Variants in DLG2 observed in about 807,000 individuals in gnomAD.
DLG2 encodes the protein disks large homolog 2.
Under a neutral mutation model 132.5 loss-of-function variants are expected in DLG2, and 45 were observed. The ratio of observed to expected loss-of-function variants is 0.34; its 90% CI spans 0.27 to 0.44. DLG2 has a LOEUF of 0.44. Ranked by LOEUF, DLG2 falls within the 20% of genes least tolerant of loss-of-function variation. The pLI, the probability that DLG2 is intolerant of heterozygous loss-of-function variation, is 1.00. For synonymous variants in DLG2, 424 were observed against 419.6 expected, an observed-to-expected ratio of 1.01 and a Z score of -0.13; for missense variants, 1,045 against 1,196.9, an observed-to-expected ratio of 0.87 and a Z score of 1.87.
At chr11:85,019,430 A>C (rs1257645465) in intron 6 of DLG2, among the ~76,000 whole-genome samples, 1 of 152,084 alleles carries the variant, frequency 6.6e-6, no homozygotes, top group Non-Finnish European at 1.5e-5. Context: ...AGGTAAAGAA[A>C]TAATGGGATA....
intron 3 of DLG2, among the ~76,000 whole-genome samples, chr11:85,501,925 C>T (rs1483809863): frequency 6.6e-6 from 1 of 152,112 alleles, no homozygotes; most frequent in Non-Finnish European, 1.5e-5. Flanking sequence ...CAGGCATATA[C>T]CCAAAGGATT....
chr11:85,528,254 T>C (rs2074937779), intron 3 of DLG2, among the ~76,000 whole-genome samples: 2 of 152,216 alleles, frequency 1.3e-5, no homozygotes, highest in African/African-American at 4.8e-5. Context: ...CTTGAAGTCT[T>C]TGCCCATGCC....
rs188661098 is a variant in DLG2 at position 85,487,670 on chromosome 11, T to C, written c.40+110987A>G. ...AAGAAAGAAAAAAGCCTTTAAGATG[T>C]TTGGCAGTACATAAAATGACAAAAT... is the stretch of plus-strand genomic sequence containing the variant. On this transcript the variant is annotated intron_variant, in intron 3 of 27. Coordinates refer to ENST00000376104, the MANE Select transcript of DLG2 (RefSeq NM_001142699.3). Among the ~76,000 whole-genome samples, 6 of 152,182 alleles carry C rather than the reference T, an allele frequency of 3.9e-5. No individual in the cohort carries two copies. The East Asian group carries it at 5.8e-4, about 15-fold the overall frequency.
intron 4 of DLG2, among the ~76,000 whole-genome samples, chr11:85,188,068 C>A (rs527557437): frequency 6.6e-6 from 1 of 152,234 alleles, no homozygotes; most frequent in South Asian, 2.1e-4. Context: ...TGAATATAAT[C>A]CACAAGCGCA....
intron 19 of DLG2, among the ~76,000 whole-genome samples, chr11:83,606,188 G>C (rs1023018430): frequency 6.6e-6 from 1 of 152,146 alleles, no homozygotes; most frequent in South Asian, 2.1e-4. Flanking sequence ...TTAGGAACCA[G>C]AGGTTAAAAG....
chr11:84,769,123 C>T (rs1012950102), intron 6 of DLG2, among the ~76,000 whole-genome samples: 1 of 152,032 alleles, frequency 6.6e-6, no homozygotes, highest in African/African-American at 2.4e-5. Context: ...ATTAGCCCTC[C>T]AGCAATGATC....
At chr11:84,508,764 ATTTC>A (rs1305139531) in intron 7 of DLG2, among the ~76,000 whole-genome samples, 2 of 152,010 alleles carry the variant, frequency 1.3e-5, no homozygotes, top group African/African-American at 4.8e-5. Flanking sequence ...CATTTATATT[ATTTC>A]TTTATTTGTT....
intron 6 of DLG2, among the ~76,000 whole-genome samples, chr11:84,638,819 T>C (rs2099645499): frequency 6.6e-6 from 1 of 152,162 alleles, no homozygotes; most frequent in Non-Finnish European, 1.5e-5. Context: ...GTTCAGCAAA[T>C]TAGAGTGTTG....
rs568567391 is a variant in DLG2 at position 83,930,687 on chromosome 11, G to A, written c.1341-204C>T. The stretch of plus-strand genomic sequence containing the variant: ...TCAGACTCTTCTGTGGGTAAAAGTG[G>A]CCCCATGAAAATGTTCAGTCCAATG... On this transcript the variant is annotated intron_variant, in intron 14 of 27. Transcript: ENST00000376104. 2.7e-4 allele frequency among the ~76,000 whole-genome samples: 41 copies of A among 152,256 alleles called. No individual in the cohort carries two copies. In the South Asian group the frequency reaches 7.9e-3, roughly 29 times the overall value.
At chr11:84,380,071 A>G (rs985121149) in intron 7 of DLG2, among the ~76,000 whole-genome samples, 4 of 152,098 alleles carry the variant, frequency 2.6e-5, no homozygotes, top group Non-Finnish European at 5.9e-5. Context: ...TTTTGTTGCC[A>G]TGAAAAAATA....
intron 7 of DLG2, among the ~76,000 whole-genome samples, chr11:84,432,526 G>T (rs1001620644): frequency 3.5e-5 from 5 of 144,328 alleles, no homozygotes; most frequent in African/African-American, 8.7e-5. Flanking sequence ...AAAGAGCAAG[G>T]CTAATTTAAT....
intron 4 of DLG2, among the ~76,000 whole-genome samples, chr11:85,208,562 T>C (rs984065241): frequency 2.6e-5 from 4 of 152,130 alleles, no homozygotes; most frequent in African/African-American, 9.7e-5. Flanking sequence ...GTCAAGCCAG[T>C]CTTATTATGT....
chr11:85,435,628 A>G (rs2091438212), intron 3 of DLG2, among the ~76,000 whole-genome samples: 2 of 152,198 alleles, frequency 1.3e-5, no homozygotes, highest in African/African-American at 4.8e-5. Flanking sequence ...CTCTTCAAGG[A>G]AAACTACAAA....
At chr11:84,502,200 CTCCTTCCTTCCTTCCTTCCTTCCT>C (rs1218812487) in intron 7 of DLG2, among the ~76,000 whole-genome samples, 126 of 9,828 alleles carry the variant, frequency 0.013, 11 homozygotes, top group Admixed American at 0.027. Context: ...CTCTCTCTCT[CTCCTTCCTTCCTTCCTTCCTTCCT>C]TCCTTCCTTC....
In DLG2 at chr11:83,861,519, T is replaced by C. The variant is rs181209800; in HGVS notation, c.1565+12901A>G. On this transcript the variant is annotated intron_variant, in intron 16 of 27. Coordinates refer to ENST00000376104, the MANE Select transcript of DLG2 (RefSeq NM_001142699.3). Reference sequence around the variant, plus strand: ...GATGAATGATAAAGAAAATGTGGTATGTATACACAATGGAGCCACAAAAAG... The same window carrying C: ...GATGAATGATAAAGAAAATGTGGTACGTATACACAATGGAGCCACAAAAAG... 1.5e-3 allele frequency among the ~76,000 whole-genome samples: 236 copies of C among 152,268 alleles called. 1 individual carries two copies. Among genetic ancestry groups the C allele is most frequent in the Middle Eastern group, 3.4e-3 (1 of 294 alleles).
chr11:85,514,042 C>T (rs1294599397), intron 3 of DLG2, among the ~76,000 whole-genome samples: 2 of 151,926 alleles, frequency 1.3e-5, no homozygotes, highest in African/African-American at 4.8e-5. Flanking sequence ...TTCCTTCTCC[C>T]TTGTAATACA....
intron 6 of DLG2, among the ~76,000 whole-genome samples, chr11:84,878,999 G>A (rs1488969662): frequency 6.6e-6 from 1 of 152,150 alleles, no homozygotes; most frequent in Non-Finnish European, 1.5e-5. Flanking sequence ...ATATGAAATT[G>A]CTAGATCTTC....
intron 18 of DLG2, among the ~76,000 whole-genome samples, chr11:83,686,406 T>C (rs887328346): frequency 6.6e-6 from 1 of 152,106 alleles, no homozygotes; most frequent in Non-Finnish European, 1.5e-5. Flanking sequence ...TATTGTATAT[T>C]AAATGTATAT....
intron 7 of DLG2, among the ~76,000 whole-genome samples, chr11:84,327,941 G>T (rs2098440585): frequency 6.6e-6 from 1 of 152,134 alleles, no homozygotes; most frequent in African/African-American, 2.4e-5. Context: ...CAATTGTATT[G>T]ATTTAAATGA....
Sources: gnomAD v4.1 joint callset for allele counts (sites outside exome capture counted in the v4.1 genomes callset) on GRCh38, gnomAD v4.1.1 for gene constraint, MANE v1.5 for transcripts, NCBI Gene and HGNC (gene_info 2026-07-23, HGNC 2026-07-21) for gene names.